HTR4: variants seen among roughly 807,000 people sequenced by gnomAD.
The protein encoded by HTR4 is 5-hydroxytryptamine receptor 4.
A neutral mutation model predicts 36.8 loss-of-function variants in HTR4; 16 were observed. That is an observed-to-expected ratio of 0.43 (90% confidence interval 0.29 to 0.66). The LOEUF (loss-of-function observed/expected upper bound fraction) is 0.66, where lower values mean the gene tolerates loss of function less well. HTR4 is among the 30% of genes least tolerant of loss of function. HTR4 has a pLI of 0.13. For missense variants in HTR4, 438 were observed against 490.9 expected (o/e 0.89, Z 1.02); for synonymous variants, 189 against 185.1 (o/e 1.02, Z -0.17).
intron 5 of HTR4, among the ~76,000 whole-genome samples, chr5:148,452,219 T>C (rs1351162503): frequency 6.6e-6 from 1 of 152,236 alleles, no homozygotes; most frequent in Non-Finnish European, 1.5e-5. Context: ...TAATTGCCTA[T>C]TAGATAGTAT....
Position 148,548,785 on chromosome 5 carries a change from A to G in HTR4, c.236T>C (p.Ile79Thr), listed in dbSNP as rs369891297. ...VSVLVMPFGA[I>T]ELVQDIWIYG... ...AATCCAGATGTCTTGAACCAGCTCA[A>G]TGGCACCAAAGGGCATCACCAGCAC... Residue 79 changes from isoleucine to threonine, a missense_variant, in exon 4 of 7, where the codon ATT (isoleucine) becomes ACT (threonine). Transcript: ENST00000377888. 3 of 1,614,126 alleles carry G rather than the reference A, an allele frequency of 1.9e-6. No individual in the cohort carries two copies. The highest frequency in any genetic ancestry group is 1.7e-5 in the Admixed American group (1 of 60,020).
chr5:148,553,286 G>A (rs1759786319), intron 2 of HTR4, among the ~76,000 whole-genome samples: 1 of 152,198 alleles, frequency 6.6e-6, no homozygotes, highest in Non-Finnish European at 1.5e-5. Flanking sequence ...ATTTAATAAA[G>A]GATGTCAGGG....
chr5:148,536,794 G>A (rs186157484), intron 4 of HTR4, among the ~76,000 whole-genome samples: 1 of 152,030 alleles, frequency 6.6e-6, no homozygotes, highest in African/African-American at 2.4e-5. Context: ...ATAGTGGAAG[G>A]CTTCAGCACT....
intron 2 of HTR4, among the ~76,000 whole-genome samples, chr5:148,601,596 T>G (rs1761997798): frequency 6.6e-6 from 1 of 151,726 alleles, no homozygotes; most frequent in Admixed American, 6.6e-5. Flanking sequence ...AGCTCAGGAG[T>G]TAGAGACCAG....
chr5:148,473,008 AG>A (rs1755608384), downstream of HTR4, among the ~76,000 whole-genome samples: 3 of 152,188 alleles, frequency 2.0e-5, no homozygotes, highest in African/African-American at 7.2e-5. Context: ...GAGGGAAAAA[AG>A]GTAGAAGAGG....
chr5:148,480,747 T>A (rs149774347), downstream of HTR4, among the ~76,000 whole-genome samples: 824 of 152,352 alleles, frequency 5.4e-3, 8 homozygotes, highest in Middle Eastern at 0.027. Context: ...CCCTGGGCAT[T>A]TCTTTCTCTG....
intron 2 of HTR4, among the ~76,000 whole-genome samples, chr5:148,591,904 G>A (rs1489977244): frequency 2.0e-5 from 3 of 152,066 alleles, no homozygotes; most frequent in Non-Finnish European, 4.4e-5. Context: ...TCTTCAAAGA[G>A]CTAAAAGCAG....
At chr5:148,541,827 C>T (rs1197957938) in intron 4 of HTR4, among the ~76,000 whole-genome samples, 3 of 152,092 alleles carry the variant, frequency 2.0e-5, no homozygotes, top group African/African-American at 7.2e-5. Context: ...TCAGGAGCAG[C>T]CACTCCCCAG....
intron 4 of HTR4, among the ~76,000 whole-genome samples, chr5:148,529,015 G>A (rs1395830903): frequency 1.3e-5 from 2 of 151,058 alleles, no homozygotes; most frequent in Non-Finnish European, 3.0e-5. Flanking sequence ...TTTTGAGACA[G>A]GAACTGTAAA....
intron 6 of HTR4, among the ~76,000 whole-genome samples, chr5:148,505,423 A>G (rs1488833813): frequency 6.6e-6 from 1 of 152,226 alleles, no homozygotes; most frequent in Non-Finnish European, 1.5e-5. Flanking sequence ...ATCACACTGA[A>G]TGGGCAAAAA....
chr5:148,594,545 A>G (rs539664902), intron 2 of HTR4, among the ~76,000 whole-genome samples: 11 of 152,276 alleles, frequency 7.2e-5, no homozygotes, highest in Non-Finnish European at 1.5e-4. Flanking sequence ...GAAATCCAAC[A>G]TGTGAGACAG....
chr5:148,465,730 T>A, intron 5 of HTR4: 1 of 1,339,734 alleles, frequency 7.5e-7, no homozygotes, highest in Non-Finnish European at 9.9e-7. Flanking sequence ...TGCCAACAAT[T>A]GTGCACCCTT....
chr5:148,487,258 C>T (rs904225400), intron 6 of HTR4, among the ~76,000 whole-genome samples: 1 of 152,074 alleles, frequency 6.6e-6, no homozygotes, highest in Non-Finnish European at 1.5e-5. Flanking sequence ...TTCTGCCCTC[C>T]AAATCAAGAA....
intron 2 of HTR4, among the ~76,000 whole-genome samples, chr5:148,635,577 C>G (rs1753504825): frequency 1.3e-5 from 2 of 152,118 alleles, no homozygotes; most frequent in South Asian, 4.1e-4. Flanking sequence ...TGTTTAAAAG[C>G]TAGAAATGTT....
intron 2 of HTR4, among the ~76,000 whole-genome samples, chr5:148,631,892 A>G (rs1054220863): frequency 6.6e-6 from 1 of 152,032 alleles, no homozygotes; most frequent in Non-Finnish European, 1.5e-5. Flanking sequence ...TATAAATATT[A>G]TGTATTTTAT....
At chr5:148,544,814 C>A (rs1048176936) in intron 4 of HTR4, among the ~76,000 whole-genome samples, 5 of 152,170 alleles carry the variant, frequency 3.3e-5, no homozygotes, top group Admixed American at 2.0e-4. Flanking sequence ...CTACATTTTG[C>A]TTTGATCCAG....
intron 2 of HTR4, among the ~76,000 whole-genome samples, chr5:148,617,340 C>G (rs149856365): frequency 1.2e-4 from 18 of 152,334 alleles, no homozygotes; most frequent in African/African-American, 4.1e-4. Context: ...CTTGTACAGA[C>G]TACCCAACCA....
intron 2 of HTR4, among the ~76,000 whole-genome samples, chr5:148,567,858 T>G (rs1253574779): frequency 6.6e-6 from 1 of 152,172 alleles, no homozygotes; most frequent in South Asian, 2.1e-4. Context: ...GTATCTAACA[T>G]ATTGTATATT....
At chr5:148,463,695 GT>G (rs201482578) in intron 5 of HTR4, among the ~76,000 whole-genome samples, 3,940 of 147,896 alleles carry the variant, frequency 0.027, 135 homozygotes, top group East Asian at 0.12. Context: ...TCTCAGTGAG[GT>G]TTTTTTTTTT....
Sources: gnomAD v4.1 joint callset for allele counts (sites outside exome capture counted in the v4.1 genomes callset) on GRCh38, gnomAD v4.1.1 for gene constraint, MANE v1.5 for transcripts, NCBI Gene and HGNC (gene_info 2026-07-23, HGNC 2026-07-21) for gene names.